C1orf232: variants seen among roughly 807,000 people sequenced by gnomAD.
C1orf232 encodes chromosome 1 open reading frame 230.
A neutral mutation model predicts 12.1 loss-of-function variants in C1orf232; 10 were observed. The observed-to-expected ratio is 0.82, with a 90% CI of 0.51 to 1.40. The LOEUF (loss-of-function observed/expected upper bound fraction) is 1.40, where lower values mean the gene tolerates loss of function less well. Among genes scored for constraint, C1orf232 ranks in the 40% most tolerant of loss-of-function variants. C1orf232 has a pLI of 0.00. For synonymous variants in C1orf232, 36 were observed against 39.8 expected, an observed-to-expected ratio of 0.90 and a Z score of 0.36; for missense variants, 88 against 98.4, an observed-to-expected ratio of 0.89 and a Z score of 0.45.
chr1:26,168,720 C>T lies in C1orf232; in HGVS notation c.-221G>A, dbSNP rs1041963435. ...GGGGGATGGAACAAGCTTCTGCCAC[C>T]TTAGCCCCTTGTCTTGACCCATATT... On this transcript the variant is annotated 5_prime_UTR_variant, in exon 1 of 4. Coordinates refer to ENST00000634842, the MANE Select transcript of C1orf232 (RefSeq NM_001364669.2). 1.3e-5 allele frequency: 5 copies of T among 390,192 alleles called. No homozygotes were observed. Among genetic ancestry groups the T allele is most frequent in the African/African-American group, 6.2e-5 (3 of 48,522 alleles). 24.2% of individuals were successfully genotyped at this position (390,192 alleles called of 1,614,324 possible).
At position 26,166,715 on chromosome 1, in the gene C1orf232, C is replaced by T. The variant is rs928096779; in HGVS notation, c.85-597G>A. 3.3e-5 allele frequency among the ~76,000 whole-genome samples: 5 copies of T among 152,192 alleles called. No individual in the cohort carries two copies. The South Asian group carries it at 1.0e-3, about 32-fold the overall frequency. On this transcript the variant is annotated intron_variant, in intron 1 of 3. Transcript: ENST00000634842. The stretch of plus-strand genomic sequence containing the variant: ...GCATGCACTCTGATGTAGACACACA[C>T]CTGTACATGAGCATGCCCCCACATG...
At position 26,166,090 on chromosome 1, in the gene C1orf232, TCAGACCC is replaced by T; in HGVS notation, c.106_112del (p.Gly36ArgfsTer25). 1 of 1,231,686 alleles carries T rather than the reference TCAGACCC, an allele frequency of 8.1e-7. No homozygotes were observed. Among genetic ancestry groups the T allele is most frequent in the Non-Finnish European group, 1.0e-6 (1 of 987,974 alleles). 76.3% of individuals were successfully genotyped at this position (1,231,686 alleles called of 1,614,324 possible). A position where few individuals can be genotyped will look rare whatever the true frequency, so the allele number is the denominator to read the frequency against. On this transcript the variant is annotated frameshift_variant, in exon 2 of 4. Transcript: ENST00000634842. LOFTEE classifies it high-confidence loss of function. The stretch of plus-strand genomic sequence containing the variant: ...GGTCTCCTCGGTCGGTTCTGCTGTC[TCAGACCC>T]CACTAATGCTGGGTTCTCCCTCTGG...
chr1:26,167,696 A>T (rs532409205), intron 1 of C1orf232, among the ~76,000 whole-genome samples: 79 of 152,130 alleles, frequency 5.2e-4, no homozygotes, highest in Non-Finnish European at 1.1e-3. Context: ...ATCTCAGCTC[A>T]TTGCAACCTC....
intron 1 of C1orf232, among the ~76,000 whole-genome samples, chr1:26,167,934 T>G (rs1557612760): frequency 6.6e-6 from 1 of 152,176 alleles, no homozygotes; most frequent in East Asian, 1.9e-4. Flanking sequence ...CAGCCTGTTT[T>G]TTGTTGTTGT....
chr1:26,166,113 C>G lies in C1orf232; in HGVS notation c.90G>C (p.Glu30Asp). Residue 30 changes from glutamate to aspartate, a missense_variant, in exon 2 of 4, where the codon GAG (glutamate) becomes GAC (aspartate). Coordinates refer to ENST00000634842, the MANE Select transcript of C1orf232 (RefSeq NM_001364669.2). ...ESEEDLAEERENPALVGSETA... is the reference protein window; with the variant it reads ...ESEEDLAEERDNPALVGSETA... ...TCTCAGACCCCACTAATGCTGGGTT[C>G]TCCCTCTGGGACACAAGACCCCCAC... The G allele has an allele frequency of 8.1e-7, 1 of 1,231,722 alleles. No individual in the cohort carries two copies. Among genetic ancestry groups the G allele is most frequent in the Non-Finnish European group, 1.0e-6 (1 of 987,970 alleles). 76.3% of individuals were successfully genotyped at this position (1,231,722 alleles called of 1,614,324 possible).
chr1:26,167,549 T>C (rs913036626), intron 1 of C1orf232, among the ~76,000 whole-genome samples: 1 of 152,220 alleles, frequency 6.6e-6, no homozygotes, highest in Admixed American at 6.5e-5. Context: ...GGTCTCGAAC[T>C]CCTAACCTCA....
chr1:26,166,821 C>T (rs561468881), intron 1 of C1orf232, among the ~76,000 whole-genome samples: 3 of 152,356 alleles, frequency 2.0e-5, no homozygotes, highest in African/African-American at 7.2e-5. Flanking sequence ...TCATTCACAC[C>T]TGTGCACTTA....
At chr1:26,165,987 C>T in intron 2 of C1orf232, 48 bp downstream of exon 2, 1 of 1,231,640 alleles carries the variant, frequency 8.1e-7, no homozygotes, top group Non-Finnish European at 1.0e-6. Flanking sequence ...CCACAGAAGC[C>T]TCTGCCAGGC....
At position 26,168,456 on chromosome 1, in the gene C1orf232, T is replaced by C; in HGVS notation, c.44A>G (p.Gln15Arg). Residue 15 changes from glutamine (Q) to arginine (R), a missense_variant, in exon 1 of 4, where the codon CAG (glutamine) becomes CGG (arginine). Coordinates refer to ENST00000634842, the MANE Select transcript of C1orf232 (RefSeq NM_001364669.2). Reference protein sequence around the residue: ...FWKTYKSKVLQTLSGESEEDL... With the variant: ...FWKTYKSKVLRTLSGESEEDL... Reference sequence around the variant, plus strand: ...TTCTTCAGATTCCCCACTCAGGGTCTGTAGCACTTTGGACTTGTAGGTTTT... The same window carrying C: ...TTCTTCAGATTCCCCACTCAGGGTCCGTAGCACTTTGGACTTGTAGGTTTT... 8.1e-7 allele frequency: 1 copy of C among 1,231,950 alleles called. No homozygotes were observed. 76.3% of individuals were successfully genotyped at this position (1,231,950 alleles called of 1,614,324 possible). A position where few individuals can be genotyped will look rare whatever the true frequency, so the allele number is the denominator to read the frequency against.
chr1:26,167,771 G>A (rs1016470449), intron 1 of C1orf232, among the ~76,000 whole-genome samples: 22 of 151,996 alleles, frequency 1.4e-4, no homozygotes, highest in Admixed American at 8.5e-4. Context: ...ACAGGTGCAC[G>A]CCGCCATGCC....
At chr1:26,166,540 C>T (rs1050258274) in intron 1 of C1orf232, among the ~76,000 whole-genome samples, 1 of 152,136 alleles carries the variant, frequency 6.6e-6, no homozygotes, top group African/African-American at 2.4e-5. Context: ...TGGTCTCGAA[C>T]TCCTGGCCTC....
intron 1 of C1orf232, among the ~76,000 whole-genome samples, chr1:26,167,797 GTATTT>G (rs752008658): frequency 7.9e-5 from 12 of 151,352 alleles, no homozygotes; most frequent in African/African-American, 1.2e-4. Context: ...ACTTTTTTTT[GTATTT>G]TAATAGAGAC....
Sources: allele counts gnomAD v4.1 joint callset (sites outside exome capture counted in the v4.1 genomes callset), GRCh38; gene constraint gnomAD v4.1.1; transcripts MANE v1.5; gene names NCBI Gene and HGNC (gene_info 2026-07-23, HGNC 2026-07-21).